NSD3: variants seen among roughly 807,000 people sequenced by gnomAD.
The protein encoded by NSD3 is histone-lysine N-methyltransferase NSD3.
Under a neutral mutation model 160.8 loss-of-function variants are expected in NSD3, and 24 were observed. The observed-to-expected ratio is 0.15, with a 90% CI of 0.11 to 0.21. The LOEUF is 0.21. Among genes scored for constraint, NSD3 ranks in the 10% least tolerant of loss-of-function variants. The pLI is 1.00. For synonymous variants in NSD3, 520 were observed against 600.0 expected, an observed-to-expected ratio of 0.87 and a Z score of 1.95; for missense variants, 1,157 against 1,735.9, an observed-to-expected ratio of 0.67 and a Z score of 5.93.
intron 20 of NSD3, chr8:38,279,920 A>C (rs1808693365): frequency 4.5e-6 from 2 of 449,400 alleles, no homozygotes; most frequent in Admixed American, 3.6e-5. Flanking sequence ...TTGCTTCTAG[A>C]AACAAATAGA....
intron 1 of NSD3, among the ~76,000 whole-genome samples, chr8:38,375,990 T>C (rs1222381429): frequency 6.6e-6 from 1 of 151,904 alleles, no homozygotes; most frequent in African/African-American, 2.4e-5. Context: ...TTCTTCTTGA[T>C]AGAAAAAAAA....
chr8:38,305,583 T>G (rs1585871154), intron 12 of NSD3, 138 bp from the exon 13 acceptor site: 2 of 709,512 alleles, frequency 2.8e-6, no homozygotes, highest in African/African-American at 3.7e-5. Flanking sequence ...CAAAAAAAAT[T>G]TAAAATAAAT....
chr8:38,311,771 CA>C (rs1010094217), intron 12 of NSD3, among the ~76,000 whole-genome samples: 2 of 152,128 alleles, frequency 1.3e-5, no homozygotes, highest in Non-Finnish European at 2.9e-5. Context: ...CTTTGGTGTA[CA>C]AAAGTTTTTA....
chr8:38,329,940 A>C lies in NSD3; in HGVS notation c.1066-47T>G, dbSNP rs1161728126. On this transcript the variant is annotated intron_variant, in intron 5 of 23. Coordinates refer to ENST00000317025, the MANE Select transcript of NSD3 (RefSeq NM_023034.2). The surrounding 1 kb of genome is among the most constrained non-coding windows in gnomAD (Gnocchi z 4.8). ...TCAGACATGCTTTACTCTAATAGGT[A>C]CATTAAAATTGATATGTATTTCCCA... is the stretch of plus-strand genomic sequence containing the variant. 6.6e-7 allele frequency: 1 copy of C among 1,506,792 alleles called. No individual in the cohort carries two copies. Among genetic ancestry groups the C allele is most frequent in the Non-Finnish European group, 8.8e-7 (1 of 1,136,410 alleles). 93.3% of individuals were successfully genotyped at this position (1,506,792 alleles called of 1,614,324 possible).
At chr8:38,346,799 A>G (rs1810549282) in intron 2 of NSD3, among the ~76,000 whole-genome samples, 1 of 152,214 alleles carries the variant, frequency 6.6e-6, no homozygotes, top group Non-Finnish European at 1.5e-5. Flanking sequence ...CACATATAAA[A>G]GCAGATAGCT....
chr8:38,317,717 T>C lies in NSD3; in HGVS notation c.1855+1178A>G. 2.2e-6 allele frequency: 3 copies of C among 1,354,044 alleles called. No homozygotes were observed. The highest frequency in any genetic ancestry group is 2.9e-5 in the East Asian group (1 of 34,498). The allele number at this position is 1,354,044 out of a possible 1,614,324, so 83.9% of individuals were successfully genotyped here. On this transcript the variant is annotated intron_variant, in intron 9 of 23. Transcript: ENST00000317025. The surrounding 1 kb of genome is among the most constrained non-coding windows in gnomAD (Gnocchi z 5.3). ...TCAGTGTAAGTTAAATGGTGGTTTT[T>C]AGGCTGGACCCATGATTTAAGCTGT...
chr8:38,289,832 G>A (rs1808956522), intron 17 of NSD3, among the ~76,000 whole-genome samples: 1 of 152,178 alleles, frequency 6.6e-6, no homozygotes, highest in African/African-American at 2.4e-5. Flanking sequence ...AGCCAAACTT[G>A]CTGGCAACTC....
chr8:38,270,984 G>A lies in NSD3; in HGVS notation c.*4657C>T, dbSNP rs1400863390. 6.6e-6 allele frequency: 1 copy of A among 152,160 alleles called. No homozygotes were observed. Among genetic ancestry groups the A allele is most frequent in the Non-Finnish European group, 1.5e-5 (1 of 68,040 alleles). 9.4% of individuals were successfully genotyped at this position (152,160 alleles called of 1,614,324 possible). On this transcript the variant is annotated 3_prime_UTR_variant, in exon 24 of 24. Transcript: ENST00000317025. ...CACATTTTGGGAGTGTAACGTAAGT[G>A]CAATTTTTTGTTTTGTTTTTTTCCC...
intron 15 of NSD3, 77 bp downstream of exon 15, chr8:38,299,367 C>T (rs1585866616): frequency 1.3e-6 from 2 of 1,481,974 alleles, no homozygotes; most frequent in Admixed American, 2.0e-5. Context: ...GACAGGCATA[C>T]ATTTCCCCCC....
chr8:38,358,153 T>C (rs1810870185), intron 1 of NSD3, among the ~76,000 whole-genome samples: 1 of 152,166 alleles, frequency 6.6e-6, no homozygotes, highest in South Asian at 2.1e-4. Flanking sequence ...AAAATACAAT[T>C]GTCATAGTTG....
chr8:38,284,996 C>T (rs943959520), intron 19 of NSD3, among the ~76,000 whole-genome samples: 4 of 152,134 alleles, frequency 2.6e-5, no homozygotes, highest in Admixed American at 2.6e-4. Flanking sequence ...GAGATGCTGA[C>T]TAGACTTAAA....
chr8:38,357,683 G>C (rs1048672290), intron 1 of NSD3, among the ~76,000 whole-genome samples: 9 of 152,122 alleles, frequency 5.9e-5, no homozygotes, highest in Non-Finnish European at 2.9e-5. Flanking sequence ...CTGTTTATGT[G>C]AGTTTTCTTA....
chr8:38,371,581 G>A (rs1811243867), intron 1 of NSD3, among the ~76,000 whole-genome samples: 1 of 152,106 alleles, frequency 6.6e-6, no homozygotes, highest in Admixed American at 6.6e-5. Context: ...CCTTCAGTGG[G>A]AGTAAAAAAG....
In NSD3 at chr8:38,299,460, T is replaced by C; in HGVS notation, c.2742A>G (p.Lys914=). 6.2e-7 allele frequency: 1 copy of C among 1,610,446 alleles called. No homozygotes were observed. The highest frequency in any genetic ancestry group is 8.5e-7 in the Non-Finnish European group (1 of 1,179,070). Residue 914 remains lysine (K), a synonymous_variant, in exon 15 of 24, where the codon AAA becomes AAG. Transcript: ENST00000317025. The part of the protein sequence containing the change: ...LPMIPSSSAS[K]KKCEKGGRLL... ...GATTATTACCTTTCTCACATTTCTT[T>C]TTGGAAGCTGACGAAGAAGGAATCA...
chr8:38,305,117 G>A (rs552779476), intron 13 of NSD3, 131 bp downstream of exon 13: 3 of 894,966 alleles, frequency 3.4e-6, no homozygotes, highest in African/African-American at 3.4e-5. Context: ...TGTATGTACT[G>A]TGGCTGAACT....
At chr8:38,333,422 G>A (rs1211064538) in intron 4 of NSD3, among the ~76,000 whole-genome samples, 2 of 152,184 alleles carry the variant, frequency 1.3e-5, no homozygotes, top group African/African-American at 4.8e-5. Context: ...TGACTGAAGA[G>A]CTAAATTTTT....
chr8:38,376,596 C>T (rs900688743), intron 1 of NSD3, among the ~76,000 whole-genome samples: 1 of 151,974 alleles, frequency 6.6e-6, no homozygotes, highest in Non-Finnish European at 1.5e-5. Flanking sequence ...CCACCGGGCC[C>T]GGCTAATTTT....
chr8:38,289,451 T>C lies in NSD3; in HGVS notation c.3173A>G (p.Lys1058Arg). ...FQELKAQRES[K>R]EALEIEKNSR... ...GTTTTTTTCAATCTCTAGGGCTTCT[T>C]TACTTTCTCTTTGTGCTTTCAATTC... The change falls in exon 18 of 24, where the codon AAA becomes AGA. Residue 1058 changes from lysine (K) to arginine (R), a missense_variant. Physicochemically the swap from Lys to Arg is conservative, Grantham distance 26 (BLOSUM62 2). Coordinates refer to ENST00000317025, the MANE Select transcript of NSD3 (RefSeq NM_023034.2). 1.2e-6 allele frequency: 2 copies of C among 1,614,050 alleles called. No individual in the cohort carries two copies. The highest frequency in any genetic ancestry group is 1.7e-6 in the Non-Finnish European group (2 of 1,179,976).
At position 38,278,422 on chromosome 8, in the gene NSD3, A is replaced by G; in HGVS notation, c.3761-10T>C. The G allele has an allele frequency of 6.2e-7, 1 of 1,603,026 alleles. No individual in the cohort carries two copies. Among genetic ancestry groups the G allele is most frequent in the Non-Finnish European group, 8.5e-7 (1 of 1,173,372 alleles). On this transcript the variant is annotated splice_polypyrimidine_tract_variant and intron_variant, in intron 21 of 23. Coordinates refer to ENST00000317025, the MANE Select transcript of NSD3 (RefSeq NM_023034.2). ...AATGTTAACTCCATCCCTGAAACAC[A>G]GGAGAAATAATTATTCAAACTCGAG...
Sources: allele counts gnomAD v4.1 joint callset (sites outside exome capture counted in the v4.1 genomes callset), GRCh38; gene constraint gnomAD v4.1.1; non-coding constraint Gnocchi (gnomAD v3.1); transcripts MANE v1.5; gene names NCBI Gene and HGNC (gene_info 2026-07-23, HGNC 2026-07-21).